The following FAM9A variants were observed in gnomAD, a reference collection of about 807,000 sequenced individuals.
FAM9A encodes family with sequence similarity 9 member A.
Under a neutral mutation model 25.0 loss-of-function variants are expected in FAM9A, and 49 were observed. The ratio of observed to expected loss-of-function variants is 1.96; its 90% confidence interval spans 1.56 to 2.48. The LOEUF (loss-of-function observed/expected upper bound fraction) is 2.48. Ranked by LOEUF, FAM9A falls within the 30% of genes most tolerant of loss-of-function variation. FAM9A has a pLI of 0.00. For missense variants in FAM9A, 266 were observed against 249.3 expected, an observed-to-expected ratio of 1.07 and a Z score of -0.45; for synonymous variants, 80 against 85.1, an observed-to-expected ratio of 0.94 and a Z score of 0.33.
intron 5 of FAM9A, among the ~76,000 whole-genome samples, chrX:8,796,973 A>G (rs188839079): frequency 1.8e-5 from 2 of 112,568 alleles, no homozygotes; most frequent in East Asian, 5.5e-4. Flanking sequence ...GGAGCTTTTT[A>G]TATGACATTT....
intron 7 of FAM9A, among the ~76,000 whole-genome samples, 169 bp from the exon 8 acceptor site, chrX:8,793,925 T>C (rs1226599890): frequency 3.6e-5 from 4 of 112,570 alleles, no homozygotes; most frequent in Admixed American, 2.8e-4. Flanking sequence ...ACCCATATGC[T>C]AAAATGATAT....
chrX:8,800,965 ACTCAGGTGTCTC>A (rs1933603063), intron 1 of FAM9A, among the ~76,000 whole-genome samples: 1 of 74,215 alleles, frequency 1.3e-5, no homozygotes, highest in Admixed American at 1.7e-4. Context: ...CCTGGGGATC[ACTCAGGTGTCTC>A]CAGCTCCCTC....
chrX:8,793,416 C>A (rs1933491610), intron 8 of FAM9A, among the ~76,000 whole-genome samples: 1 of 111,931 alleles, frequency 8.9e-6, no homozygotes, highest in Admixed American at 9.5e-5. Flanking sequence ...ATGTATATTT[C>A]CAGGTAAAAT....
intron 8 of FAM9A, among the ~76,000 whole-genome samples, chrX:8,792,336 G>A (rs760241497): frequency 9.0e-6 from 1 of 111,005 alleles, no homozygotes; most frequent in Non-Finnish European, 1.9e-5. Context: ...TAATATTGCC[G>A]ATCAATGAAG....
In FAM9A at chrX:8,795,183, T is replaced by C; in HGVS notation, c.726A>G (p.Glu242=). Residue 242 remains glutamate (E), a synonymous_variant, in exon 7 of 10, where the codon GAA becomes GAG. Transcript: ENST00000381003. ...CTTCTCCTTCTTCTCCTCCTCCTTC[T>C]TCTTCTCCTTCTTCTTCCTCCTCTT... ...EKEEEEEEGE[E]EGGGEEGEEG... The C allele has an allele frequency of 9.7e-7, 1 of 1,029,129 alleles. No homozygotes were observed. The highest frequency in any genetic ancestry group is 1.3e-6 in the Non-Finnish European group (1 of 754,183). The allele number at this position is 1,029,129 out of a possible 1,213,427, so 84.8% of individuals were successfully genotyped here. A position where few individuals can be genotyped will look rare whatever the true frequency, so the allele number is the denominator to read the frequency against.
chrX:8,796,075 A>G (rs1933528953), intron 6 of FAM9A, among the ~76,000 whole-genome samples, 193 bp downstream of exon 6: 1 of 111,779 alleles, frequency 8.9e-6, no homozygotes, highest in Non-Finnish European at 1.9e-5. Flanking sequence ...TTGGCTTTCT[A>G]GATAATATGC....
intron 2 of FAM9A, 134 bp downstream of exon 2, chrX:8,799,947 T>C: frequency 1.7e-6 from 1 of 602,433 alleles, no homozygotes; most frequent in South Asian, 3.0e-5. Context: ...GCCAGGGCCA[T>C]TTCCTGCTTT....
intron 3 of FAM9A, 68 bp downstream of exon 3, chrX:8,798,898 C>G: frequency 8.3e-7 from 1 of 1,199,701 alleles, no homozygotes; most frequent in Middle Eastern, 2.3e-4. Flanking sequence ...GTGCCTCCCG[C>G]GCAAAGAGCA....
chrX:8,800,252 G>C (rs906440134), intron 1 of FAM9A, 43 bp from the exon 2 acceptor site: 12 of 1,109,048 alleles, frequency 1.1e-5, no homozygotes, highest in Middle Eastern at 2.5e-4. Context: ...AAGGAAACAG[G>C]ATATGTGAAA....
At chrX:8,793,578 A>G (rs963795387) in intron 8 of FAM9A, 80 bp downstream of exon 8, 3 of 813,845 alleles carry the variant, frequency 3.7e-6, no homozygotes, top group Admixed American at 5.4e-5. Flanking sequence ...GTCTTTCCAT[A>G]CATTCGGAAA....
intron 7 of FAM9A, among the ~76,000 whole-genome samples, chrX:8,794,205 CCAA>C (rs1417659583): frequency 2.7e-5 from 3 of 111,612 alleles, no homozygotes; most frequent in African/African-American, 9.8e-5. Context: ...GACCTAATCT[CCAA>C]CAACAGTGTT....
Position 8,793,658 on chromosome X carries a change from CT to C in FAM9A, c.929del (p.Lys310ArgfsTer53). On this transcript the variant is annotated frameshift_variant and splice_region_variant, in exon 8 of 10. Coordinates refer to ENST00000381003, the MANE Select transcript of FAM9A (RefSeq NM_174951.3). LOFTEE classifies it high-confidence loss of function. ...TATTATGTTACCAAATAGAACAGAC[CT>C]TTAGTAATTGCTCAAGTAGCGGCTT... ...EMKPLLEQLL[K>X]AAKDTKDNYC... The C allele has an allele frequency of 1.7e-6, 2 of 1,201,648 alleles. No individual in the cohort carries two copies. Among genetic ancestry groups the C allele is most frequent in the Non-Finnish European group, 1.1e-6 (1 of 886,810 alleles).
intron 8 of FAM9A, among the ~76,000 whole-genome samples, chrX:8,792,431 C>T (rs563140624): frequency 5.4e-5 from 6 of 110,253 alleles, no homozygotes; most frequent in African/African-American, 1.3e-4. Context: ...AGGGCAGCTG[C>T]GGTGGGAATT....
At chrX:8,799,871 T>C (rs1375178140) in intron 2 of FAM9A, among the ~76,000 whole-genome samples, 1 of 63,712 alleles carries the variant, frequency 1.6e-5, no homozygotes, top group Non-Finnish European at 2.8e-5. Context: ...TCCAGCTCCC[T>C]CCCTGCCCTG....
chrX:8,792,123 G>A (rs745991846), intron 8 of FAM9A, among the ~76,000 whole-genome samples: 1 of 111,569 alleles, frequency 9.0e-6, no homozygotes, highest in African/African-American at 3.3e-5. Flanking sequence ...CATGAGAAAA[G>A]CATAAGAGTA....
rs770579250 is a variant in FAM9A at position 8,800,089 on chromosome X, G to T, written c.83C>A (p.Thr28Lys). ...EAQVTAAQGA[T>K]KEGSGIASNF... ...TCTCCTTGGGCGTGCACCTTCTTTC[G>T]TGGCCCCCTGGGCGGCCGTAACTTG... is the stretch of plus-strand genomic sequence containing the variant. The change falls in exon 2 of 10, where the codon ACG (threonine) becomes AAG (lysine). Residue 28 changes from threonine (T) to lysine (K), a missense_variant. Transcript: ENST00000381003. 7 of 1,205,167 alleles carry T rather than the reference G, an allele frequency of 5.8e-6. No homozygotes were observed. Among genetic ancestry groups the T allele is most frequent in the Non-Finnish European group, 7.8e-6 (7 of 893,280 alleles).
intron 8 of FAM9A, among the ~76,000 whole-genome samples, chrX:8,793,333 G>A (rs1353167997): frequency 8.9e-6 from 1 of 111,940 alleles, no homozygotes; most frequent in African/African-American, 3.2e-5. Flanking sequence ...CATAGCCAAG[G>A]TCTGTTTCTT....
rs1933506424 is a variant in FAM9A at position 8,794,701 on chromosome X, T to G, written c.831+377A>C. ...TTTCACTGCCCATTGCCCACCCCCA[T>G]GTGCTCAGGTAACTCAGTCCCAGCT... On this transcript the variant is annotated intron_variant, in intron 7 of 9. Transcript: ENST00000381003. 2.7e-5 allele frequency among the ~76,000 whole-genome samples: 3 copies of G among 111,625 alleles called. No individual in the cohort carries two copies. The South Asian group carries it at 1.1e-3, about 42-fold the overall frequency.
chrX:8,798,913 G>T, intron 3 of FAM9A, 53 bp downstream of exon 3: 1 of 1,208,681 alleles, frequency 8.3e-7, no homozygotes, highest in South Asian at 1.8e-5. Flanking sequence ...AGAGCAGACA[G>T]ACCGTCCTCT....
Sources: allele counts gnomAD v4.1 joint callset (sites outside exome capture counted in the v4.1 genomes callset), GRCh38; gene constraint gnomAD v4.1.1; transcripts MANE v1.5; gene names NCBI Gene and HGNC (gene_info 2026-07-23, HGNC 2026-07-21).